TEAD3: variants seen among roughly 807,000 people sequenced by gnomAD.
TEAD3 encodes TEA domain transcription factor 3.
Under a neutral mutation model 55.6 loss-of-function variants are expected in TEAD3, and 15 were observed. The observed-to-expected ratio is 0.27, with a 90% CI of 0.18 to 0.42. The LOEUF is 0.42. Ranked by LOEUF, TEAD3 falls within the 10% of genes least tolerant of loss-of-function variation. The pLI, the probability that TEAD3 is intolerant of heterozygous loss-of-function variation, is 1.00. For missense variants in TEAD3, 407 were observed against 576.8 expected, an observed-to-expected ratio of 0.71 and a Z score of 3.01; for synonymous variants, 210 against 232.2, an observed-to-expected ratio of 0.90 and a Z score of 0.87.
Position 35,475,221 on chromosome 6 carries a change from T to C in TEAD3, c.1195-64A>G. The stretch of plus-strand genomic sequence containing the variant: ...AGAAAAGGGCCACGGGGCAGGGGGC[T>C]GAACAGACCATTCTCCTTTCCGGAT... On this transcript the variant is annotated intron_variant, in intron 12 of 12. Coordinates refer to ENST00000639578, the Ensembl canonical transcript of TEAD3. The surrounding 1 kb of genome is among the most constrained non-coding windows in gnomAD (Gnocchi z 5.4). 6.3e-7 allele frequency: 1 copy of C among 1,579,610 alleles called. No homozygotes were observed. The highest frequency in any genetic ancestry group is 8.6e-7 in the Non-Finnish European group (1 of 1,161,304).
rs371025879 is a variant in TEAD3, at chr6:35,491,263, G to C, written c.-49-4552C>G. Among the ~76,000 whole-genome samples the C allele has an allele frequency of 3.3e-5, 5 of 151,616 alleles. No homozygotes were observed. The highest frequency in any genetic ancestry group is 7.3e-5 in the African/African-American group (3 of 41,214). On this transcript the variant is annotated intron_variant, in intron 1 of 12. Coordinates refer to ENST00000639578, the Ensembl canonical transcript of TEAD3. This position sits in a 1 kb window ranked among gnomAD's most constrained non-coding sequence, Gnocchi z 4.4. The stretch of plus-strand genomic sequence containing the variant: ...CCACAGACTGACAGACAGAGCCGGT[G>C]GGGGGTGAAGGGAGAAGGGGAGAAG...
intron 3 of TEAD3, 130 bp downstream of exon 4, chr6:35,480,180 CAG>C (rs1229686375): frequency 1.5e-5 from 24 of 1,551,934 alleles, no homozygotes; most frequent in Non-Finnish European, 1.9e-5. Context: ...GAGGCAGAAA[CAG>C]AGCTTCAGCC....
rs1274833904 is a variant in TEAD3, at chr6:35,486,381, G to A, written c.202+80C>T. ...GCCCGGCCAGCGGCTGGCGGCCTCCGACGTCACCAAACCGGTTGGGTGAGA... is the reference window on the plus strand; with the variant it reads ...GCCCGGCCAGCGGCTGGCGGCCTCCAACGTCACCAAACCGGTTGGGTGAGA... On this transcript the variant is annotated intron_variant, in intron 2 of 12. Coordinates refer to ENST00000639578, the Ensembl canonical transcript of TEAD3. This position sits in a 1 kb window ranked among gnomAD's most constrained non-coding sequence, Gnocchi z 7.3. The A allele has an allele frequency of 4.0e-6, 6 of 1,491,224 alleles. No homozygotes were observed. The highest frequency in any genetic ancestry group is 5.4e-6 in the Non-Finnish European group (6 of 1,111,458). 92.4% of individuals were successfully genotyped at this position (1,491,224 alleles called of 1,614,324 possible).
chr6:35,493,874 C>A (rs573949694), intron 1 of TEAD3, among the ~76,000 whole-genome samples: 2 of 152,366 alleles, frequency 1.3e-5, no homozygotes, highest in East Asian at 3.9e-4. Flanking sequence ...TCCAGGTACA[C>A]ACAGATGGCT....
chr6:35,495,325 C>A (rs561342223), intron 1 of TEAD3, among the ~76,000 whole-genome samples: 1 of 152,220 alleles, frequency 6.6e-6, no homozygotes, highest in Non-Finnish European at 1.5e-5. Flanking sequence ...TGCTTCTGTA[C>A]ACTTAATGTG....
Position 35,483,390 on chromosome 6 carries a change from C to T in TEAD3, c.267+1170G>A, listed in dbSNP as rs866700943. On this transcript the variant is annotated intron_variant, in intron 3 of 12. Coordinates refer to ENST00000639578, the Ensembl canonical transcript of TEAD3. The surrounding 1 kb of genome is among the most constrained non-coding windows in gnomAD (Gnocchi z 4.5). Reference sequence around the variant, plus strand: ...CACTGGCCTCCATTCCTCCAGGTCCCGCCTCCAGCCTGGCCTCTCCCCCAG... The same window carrying T: ...CACTGGCCTCCATTCCTCCAGGTCCTGCCTCCAGCCTGGCCTCTCCCCCAG... Among the ~76,000 whole-genome samples the T allele has an allele frequency of 2.2e-4, 34 of 152,136 alleles. No homozygotes were observed. The highest frequency in any genetic ancestry group is 3.2e-3 in the Middle Eastern group (1 of 316).
At chr6:35,474,902 G>A (rs41270070) in exon 13 of TEAD3, 14,341 of 637,204 alleles carry the variant, frequency 0.023, 297 homozygotes, top group Middle Eastern at 0.076. Context: ...TGTGTGCTGG[G>A]GTAGGTGGGG....
Position 35,475,956 on chromosome 6 carries a change from T to C in TEAD3, c.863A>G (p.Lys288Arg). 1 of 1,549,744 alleles carries C rather than the reference T, an allele frequency of 6.5e-7. No homozygotes were observed. Among genetic ancestry groups the C allele is most frequent in the Non-Finnish European group, 8.7e-7 (1 of 1,150,654 alleles). The change falls in exon 10 of 13, where the codon AAG becomes AGG. Residue 288 changes from lysine (K) to arginine (R), a missense_variant. Coordinates refer to ENST00000639578, the Ensembl canonical transcript of TEAD3. This position sits in a 1 kb window ranked among gnomAD's most constrained non-coding sequence, Gnocchi z 5.4. Reference sequence around the variant, plus strand: ...AAGGAAGAAGGCATTAGGGGGCCCCTTCTCATAGAGCTCCTTCAATCCTCC... The same window carrying C: ...AAGGAAGAAGGCATTAGGGGGCCCCCTCTCATAGAGCTCCTTCAATCCTCC...
chr6:35,495,658 G>A (rs1768627986), intron 1 of TEAD3, among the ~76,000 whole-genome samples: 1 of 152,118 alleles, frequency 6.6e-6, no homozygotes, highest in African/African-American at 2.4e-5. Context: ...AGTCTAGAAG[G>A]GAGAGGACAT....
chr6:35,487,130 A>G (rs1203389158), intron 1 of TEAD3, among the ~76,000 whole-genome samples: 1 of 152,236 alleles, frequency 6.6e-6, no homozygotes, highest in Non-Finnish European at 1.5e-5. Flanking sequence ...TTCAAACCTC[A>G]CAAAACTAGG....
Position 35,496,941 on chromosome 6 carries a change from G to A in TEAD3, c.-93C>T, listed in dbSNP as rs924813615. ...GGCGCTCCGGCCGGGCCGCTCCGCC[G>A]GGCCCGAGGGAGCCGCAAGGGGGGC... On this transcript the variant is annotated 5_prime_UTR_variant, in exon 1 of 13. Coordinates refer to ENST00000639578, the Ensembl canonical transcript of TEAD3. This position sits in a 1 kb window ranked among gnomAD's most constrained non-coding sequence, Gnocchi z 4.8. 3 of 151,466 alleles carry A rather than the reference G, an allele frequency of 2.0e-5. No homozygotes were observed. Among genetic ancestry groups the A allele is most frequent in the Admixed American group, 6.6e-5 (1 of 15,238 alleles). The allele number at this position is 151,466 out of a possible 1,614,324, so 9.4% of individuals were successfully genotyped here. A position where few individuals can be genotyped will look rare whatever the true frequency, so the allele number is the denominator to read the frequency against.
At chr6:35,489,898 AAAC>A (rs1478552396) in intron 1 of TEAD3, among the ~76,000 whole-genome samples, 3 of 152,254 alleles carry the variant, frequency 2.0e-5, no homozygotes, top group Non-Finnish European at 4.4e-5. Flanking sequence ...TAAATTAAAA[AAAC>A]AAAAAGAAAA....
intron 1 of TEAD3, among the ~76,000 whole-genome samples, chr6:35,489,428 A>G (rs1323838967): frequency 6.6e-6 from 1 of 152,164 alleles, no homozygotes; most frequent in African/African-American, 2.4e-5. Flanking sequence ...TGAGAGAGAA[A>G]GGAGGTTCAG....
Position 35,475,540 on chromosome 6 carries a change from C to T in TEAD3, c.1041+26G>A, listed in dbSNP as rs756565777. 25 of 1,603,986 alleles carry T rather than the reference C, an allele frequency of 1.6e-5. No homozygotes were observed. Among genetic ancestry groups the T allele is most frequent in the South Asian group, 4.4e-5 (4 of 89,990 alleles). On this transcript the variant is annotated intron_variant, in intron 11 of 12. Transcript: ENST00000639578. The surrounding 1 kb of genome is among the most constrained non-coding windows in gnomAD (Gnocchi z 5.4). ...CTCGGCCTGCCTGCTCCCAGCCCCA[C>T]CAAGCCACCCAGAGCCCCCACTCAC...
chr6:35,482,960 C>T (rs779404569), intron 3 of TEAD3, among the ~76,000 whole-genome samples: 9 of 152,296 alleles, frequency 5.9e-5, no homozygotes, highest in Admixed American at 2.6e-4. Context: ...GCAGCGCTTA[C>T]GCTGTTCTAA....
At position 35,496,673 on chromosome 6, in the gene TEAD3, C is replaced by A. The variant is rs964824966; in HGVS notation, c.-50+225G>T. 6.6e-6 allele frequency among the ~76,000 whole-genome samples: 1 copy of A among 152,282 alleles called. No homozygotes were observed. Among genetic ancestry groups the A allele is most frequent in the Non-Finnish European group, 1.5e-5 (1 of 67,994 alleles). On this transcript the variant is annotated intron_variant, in intron 1 of 12. Transcript: ENST00000639578. The surrounding 1 kb of genome is among the most constrained non-coding windows in gnomAD (Gnocchi z 4.8). ...GCTTCCCCACCTTCCCGGACCAACTCGTCCCCGTCGCGGGGGGGTGGGGAG... is the reference window on the plus strand; with the variant it reads ...GCTTCCCCACCTTCCCGGACCAACTAGTCCCCGTCGCGGGGGGGTGGGGAG...
At chr6:35,487,382 T>C (rs1260182589) in intron 1 of TEAD3, among the ~76,000 whole-genome samples, 1 of 152,002 alleles carries the variant, frequency 6.6e-6, no homozygotes, top group Non-Finnish European at 1.5e-5. Context: ...TGAAACCCCA[T>C]CTCTACTAAA....
chr6:35,478,948 C>T (rs1325487586), intron 5 of TEAD3, among the ~76,000 whole-genome samples: 35 of 146,258 alleles, frequency 2.4e-4, no homozygotes, highest in African/African-American at 7.4e-4. Context: ...GGCATGATCT[C>T]GGCTCACTGC....
chr6:35,473,706 T>G (rs1768081897), downstream of TEAD3: 1 of 150,412 alleles, frequency 6.6e-6, no homozygotes, highest in African/African-American at 2.5e-5. Flanking sequence ...GCATTTATGA[T>G]ATAACCCATC....
Sources: allele counts gnomAD v4.1 joint callset (sites outside exome capture counted in the v4.1 genomes callset), GRCh38; gene constraint gnomAD v4.1.1; non-coding constraint Gnocchi (gnomAD v3.1); transcripts MANE v1.5; gene names NCBI Gene and HGNC (gene_info 2026-07-23, HGNC 2026-07-21).